NCALD: variants seen among roughly 807,000 people sequenced by gnomAD.
The protein encoded by NCALD is neurocalcin delta.
In NCALD, 10 loss-of-function variants were observed where a neutral mutation model predicts 18.6. The ratio of observed to expected loss-of-function variants is 0.54; its 90% confidence interval spans 0.33 to 0.91. The LOEUF (loss-of-function observed/expected upper bound fraction) is 0.91, where lower values mean the gene tolerates loss of function less well. NCALD is among the 40% of genes least tolerant of loss of function. The pLI is 0.03. For missense variants in NCALD, 184 were observed against 247.6 expected (o/e 0.74, Z 1.72); for synonymous variants, 88 against 87.4 (o/e 1.01, Z -0.04).
intron 2 of NCALD, among the ~76,000 whole-genome samples, chr8:101,929,571 AGGAG>A (rs1818489717): frequency 1.8e-5 from 1 of 55,262 alleles, no homozygotes; most frequent in Non-Finnish European, 3.5e-5. Flanking sequence ...AAGGAAGGGA[AGGAG>A]GGAGGGAAGG....
At chr8:101,991,252 T>G (rs1644148771) in intron 2 of NCALD, among the ~76,000 whole-genome samples, 1 of 152,104 alleles carries the variant, frequency 6.6e-6, no homozygotes, top group South Asian at 2.1e-4. Flanking sequence ...CTATACAGCC[T>G]TGTCATAATT....
intron 4 of NCALD, among the ~76,000 whole-genome samples, chr8:101,841,906 G>C (rs1033486763): frequency 6.6e-6 from 1 of 152,062 alleles, no homozygotes; most frequent in African/African-American, 2.4e-5. Flanking sequence ...TAAAGAAAAA[G>C]AAAGAATACG....
chr8:101,748,344 A>T (rs1225363639), intron 1 of NCALD, among the ~76,000 whole-genome samples: 2 of 152,258 alleles, frequency 1.3e-5, no homozygotes, highest in Admixed American at 1.3e-4. Context: ...TTGTAGGATC[A>T]TAAAGAATAT....
intron 1 of NCALD, among the ~76,000 whole-genome samples, chr8:102,094,331 T>C (rs1001803190): frequency 3.3e-5 from 5 of 152,234 alleles, no homozygotes; most frequent in African/African-American, 4.8e-5. Context: ...CCAGATGCTT[T>C]GTATAAATCG....
chr8:101,719,057 G>A (rs891157682), intron 2 of NCALD, among the ~76,000 whole-genome samples, 195 bp downstream of exon 2: 3 of 152,078 alleles, frequency 2.0e-5, no homozygotes, highest in South Asian at 2.1e-4. Flanking sequence ...AAGAGATGCC[G>A]ACCAGTGTGG....
At chr8:101,820,866 T>C (rs1813693380) in intron 4 of NCALD, among the ~76,000 whole-genome samples, 1 of 152,214 alleles carries the variant, frequency 6.6e-6, no homozygotes, top group Non-Finnish European at 1.5e-5. Flanking sequence ...CTTCTAGTGC[T>C]TTCATAGCAT....
intron 1 of NCALD, among the ~76,000 whole-genome samples, chr8:102,050,799 TTTAA>T (rs1259190487): frequency 4.1e-5 from 6 of 145,298 alleles, no homozygotes; most frequent in South Asian, 4.4e-4. Flanking sequence ...TAATTTTTAA[TTTAA>T]TTAATTTAAT....
chr8:101,773,281 TC>T (rs2130908034), intron 1 of NCALD, among the ~76,000 whole-genome samples: 1 of 152,222 alleles, frequency 6.6e-6, no homozygotes, highest in African/African-American at 2.4e-5. Flanking sequence ...GCTGCACCCC[TC>T]CCTCACCAGT....
intron 4 of NCALD, among the ~76,000 whole-genome samples, chr8:101,850,440 C>G (rs1199086903): frequency 6.6e-6 from 1 of 152,156 alleles, no homozygotes. Flanking sequence ...GGAAAAAGAT[C>G]GCTACACACT....
At chr8:101,856,838 C>T (rs1474316532) in intron 4 of NCALD, among the ~76,000 whole-genome samples, 1 of 152,134 alleles carries the variant, frequency 6.6e-6, no homozygotes, top group African/African-American at 2.4e-5. Context: ...CTTATGATGT[C>T]CTGACTCCTT....
intron 1 of NCALD, among the ~76,000 whole-genome samples, chr8:102,067,041 T>C (rs937308047): frequency 6.6e-6 from 1 of 152,180 alleles, no homozygotes; most frequent in Admixed American, 6.5e-5. Flanking sequence ...TAAAGGAAGA[T>C]TCCAGAAGAC....
intron 1 of NCALD, among the ~76,000 whole-genome samples, chr8:101,769,161 G>C (rs1811477342): frequency 1.3e-5 from 2 of 152,198 alleles, no homozygotes; most frequent in South Asian, 4.1e-4. Context: ...TTGACCTTTA[G>C]GCTTCTGACC....
intron 2 of NCALD, among the ~76,000 whole-genome samples, chr8:101,952,632 C>A (rs1257091736): frequency 2.6e-5 from 4 of 152,192 alleles, no homozygotes; most frequent in African/African-American, 9.6e-5. Context: ...TCCATCAGCT[C>A]CCAAAGCCCA....
At chr8:101,970,121 T>C (rs1420908289) in intron 2 of NCALD, among the ~76,000 whole-genome samples, 1 of 152,208 alleles carries the variant, frequency 6.6e-6, no homozygotes, top group Non-Finnish European at 1.5e-5. Flanking sequence ...ATCACTGATT[T>C]ATCTCTGTAG....
intron 2 of NCALD, among the ~76,000 whole-genome samples, chr8:102,016,981 A>G (rs1268345272): frequency 6.6e-6 from 1 of 152,192 alleles, no homozygotes; most frequent in Non-Finnish European, 1.5e-5. Flanking sequence ...AAAATGCAAG[A>G]AAAGATAAAG....
At chr8:101,849,163 C>A (rs759578960) in intron 4 of NCALD, among the ~76,000 whole-genome samples, 3 of 152,064 alleles carry the variant, frequency 2.0e-5, no homozygotes, top group Non-Finnish European at 4.4e-5. Context: ...GATGAGAACA[C>A]ATGGACACAT....
intron 2 of NCALD, among the ~76,000 whole-genome samples, chr8:101,978,497 A>C (rs1820504594): frequency 6.6e-6 from 1 of 152,256 alleles, no homozygotes; most frequent in Non-Finnish European, 1.5e-5. Context: ...AAACTGAAGC[A>C]CTAAGAAAGT....
At chr8:101,891,705 C>T (rs56047034) in intron 3 of NCALD, among the ~76,000 whole-genome samples, 10,278 of 152,248 alleles carry the variant, frequency 0.068, 723 homozygotes, top group African/African-American at 0.18. Flanking sequence ...ACTTGGGAAG[C>T]GCAAGGGGTC....
At chr8:101,941,812 C>T (rs139472699) in intron 2 of NCALD, among the ~76,000 whole-genome samples, 7 of 152,324 alleles carry the variant, frequency 4.6e-5, no homozygotes, top group Non-Finnish European at 1.0e-4. Flanking sequence ...AGCTATTTTA[C>T]AGTCATTAAT....
Sources: allele counts gnomAD v4.1 joint callset (sites outside exome capture counted in the v4.1 genomes callset), GRCh38; gene constraint gnomAD v4.1.1; transcripts MANE v1.5; gene names NCBI Gene and HGNC (gene_info 2026-07-23, HGNC 2026-07-21).